Variants in MAGI1 observed in about 807,000 individuals in gnomAD.
The protein encoded by MAGI1 is membrane associated guanylate kinase, WW and PDZ domain containing 1, also known as membrane-associated guanylate kinase, WW and PDZ domain-containing protein 1.
A neutral mutation model predicts 139.9 loss-of-function variants in MAGI1; 58 were observed. That is an observed-to-expected ratio of 0.41 (90% confidence interval 0.34 to 0.52). The LOEUF is 0.52. Among genes scored for constraint, MAGI1 ranks in the 20% least tolerant of loss-of-function variants. The pLI is 0.12. For synonymous variants in MAGI1, 812 were observed against 737.9 expected, an observed-to-expected ratio of 1.10 and a Z score of -1.63; for missense variants, 1,874 against 1,901.6, an observed-to-expected ratio of 0.99 and a Z score of 0.27.
intron 1 of MAGI1, among the ~76,000 whole-genome samples, chr3:65,992,434 T>G (rs1306926480): frequency 7.4e-6 from 1 of 135,548 alleles, no homozygotes. Flanking sequence ...CAGTTTGCAT[T>G]GAAGAAAACC....
At chr3:65,570,887 G>T (rs941901321) in intron 2 of MAGI1, among the ~76,000 whole-genome samples, 1 of 152,196 alleles carries the variant, frequency 6.6e-6, no homozygotes, top group African/African-American at 2.4e-5. Context: ...AAATACAATG[G>T]TTCAAAAGAA....
chr3:65,647,034 A>G (rs1229927730), intron 1 of MAGI1, among the ~76,000 whole-genome samples: 1 of 152,160 alleles, frequency 6.6e-6, no homozygotes, highest in African/African-American at 2.4e-5. Context: ...AGGAAAAGAG[A>G]ACAAATCAAT....
chr3:65,423,682 C>A (rs75247623), intron 12 of MAGI1, among the ~76,000 whole-genome samples: 2,252 of 152,290 alleles, frequency 0.015, 55 homozygotes, highest in African/African-American at 0.051. Flanking sequence ...AGGTTCCAAT[C>A]CTAGCTTTGC....
At chr3:65,703,344 T>C (rs1382441921) in intron 1 of MAGI1, among the ~76,000 whole-genome samples, 1 of 152,188 alleles carries the variant, frequency 6.6e-6, no homozygotes, top group African/African-American at 2.4e-5. Flanking sequence ...ATTCAAATGC[T>C]AGCAAGATTG....
intron 4 of MAGI1, among the ~76,000 whole-genome samples, chr3:65,477,873 T>C (rs1055596133): frequency 6.6e-6 from 1 of 151,736 alleles, no homozygotes. Context: ...ACTCAGCCTG[T>C]ATGGCCTTAC....
At chr3:65,825,823 A>G (rs2042194899) in intron 1 of MAGI1, among the ~76,000 whole-genome samples, 1 of 152,080 alleles carries the variant, frequency 6.6e-6, no homozygotes, top group African/African-American at 2.4e-5. Flanking sequence ...CCCCGTCTCC[A>G]CTAAAAATAT....
chr3:65,926,918 C>A (rs1198839485), intron 1 of MAGI1, among the ~76,000 whole-genome samples: 1 of 152,100 alleles, frequency 6.6e-6, no homozygotes, highest in African/African-American at 2.4e-5. Context: ...TCACTTGAAC[C>A]CAGGAGGCGG....
rs558707805 is a variant in MAGI1, at chr3:65,546,854, A to T, written c.431-53223T>A. ...ATGATTGCTTTGCCAAGAAAAACAGAGCCCTTACTGAACAAGTCAGAATTC... is the reference window on the plus strand; with the variant it reads ...ATGATTGCTTTGCCAAGAAAAACAGTGCCCTTACTGAACAAGTCAGAATTC... On this transcript the variant is annotated intron_variant, in intron 2 of 22. Coordinates refer to ENST00000402939, the MANE Select transcript of MAGI1 (RefSeq NM_001033057.2). 3.3e-5 allele frequency among the ~76,000 whole-genome samples: 5 copies of T among 152,328 alleles called. No homozygotes were observed. The South Asian group carries it at 1.0e-3, about 32-fold the overall frequency.
chr3:65,548,942 G>C (rs2079662396), intron 2 of MAGI1, among the ~76,000 whole-genome samples: 1 of 152,186 alleles, frequency 6.6e-6, no homozygotes, highest in South Asian at 2.1e-4. Context: ...CAGCAAGGGG[G>C]AAGGGAACCT....
At chr3:65,786,650 C>T (rs1281746461) in intron 1 of MAGI1, among the ~76,000 whole-genome samples, 9 of 142,022 alleles carry the variant, frequency 6.3e-5, no homozygotes, top group East Asian at 6.3e-4. Context: ...CTTGCTTTGT[C>T]ACCCAGGCTG....
intron 1 of MAGI1, among the ~76,000 whole-genome samples, chr3:65,717,221 G>C (rs2032379885): frequency 6.6e-6 from 1 of 152,156 alleles, no homozygotes; most frequent in South Asian, 2.1e-4. Flanking sequence ...AAGTCAAAGA[G>C]TTGTCTTCAA....
At chr3:65,652,934 G>C (rs1014215026) in intron 1 of MAGI1, among the ~76,000 whole-genome samples, 22 of 152,238 alleles carry the variant, frequency 1.4e-4, no homozygotes, top group African/African-American at 5.3e-4. Context: ...CCTGGCCTAA[G>C]TTACTATCAA....
intron 12 of MAGI1, among the ~76,000 whole-genome samples, chr3:65,412,497 G>T (rs371590833): frequency 8.5e-4 from 129 of 152,216 alleles, no homozygotes; most frequent in African/African-American, 3.0e-3. Flanking sequence ...TTTACTTATT[G>T]ATTGTCTCTA....
rs978936941 is a variant in MAGI1, at chr3:65,962,417, G to A, written c.313+75579C>T. On this transcript the variant is annotated intron_variant, in intron 1 of 22. Coordinates refer to ENST00000402939, the MANE Select transcript of MAGI1 (RefSeq NM_001033057.2). ...ATTACAGGCGTGAGCCACCGCGCCCGGCCTCTGAATTGTATTTTTCAAGTG... is the reference window on the plus strand; with the variant it reads ...ATTACAGGCGTGAGCCACCGCGCCCAGCCTCTGAATTGTATTTTTCAAGTG... Among the ~76,000 whole-genome samples the A allele has an allele frequency of 2.6e-5, 4 of 151,560 alleles. No individual in the cohort carries two copies. In the East Asian group the frequency reaches 5.9e-4, roughly 22 times the overall value.
intron 1 of MAGI1, among the ~76,000 whole-genome samples, chr3:65,919,068 C>G (rs1351378524): frequency 6.6e-6 from 1 of 152,188 alleles, no homozygotes; most frequent in East Asian, 1.9e-4. Flanking sequence ...GTATGGTTAA[C>G]ATTGATCTGT....
chr3:65,428,634 G>T (rs1947244974), intron 12 of MAGI1, among the ~76,000 whole-genome samples: 1 of 152,178 alleles, frequency 6.6e-6, no homozygotes, highest in African/African-American at 2.4e-5. Context: ...GTCAGGTGTT[G>T]TGTTAAATGC....
At chr3:65,855,992 C>G (rs1331967903) in intron 1 of MAGI1, among the ~76,000 whole-genome samples, 1 of 152,076 alleles carries the variant, frequency 6.6e-6, no homozygotes, top group Non-Finnish European at 1.5e-5. Context: ...GTGTCCAGCA[C>G]TGACCAGCAG....
rs141831184 is a variant in MAGI1 at position 65,897,205 on chromosome 3, G to A, written c.313+140791C>T. Among the ~76,000 whole-genome samples, 757 of 152,154 alleles carry A rather than the reference G, an allele frequency of 5.0e-3. 9 individuals are homozygous for A. Among genetic ancestry groups the A allele is most frequent in the African/African-American group, 0.012 (514 of 41,498 alleles). ...TAGGTGGAAAAACAGGTGAGTTTTTGGGTTAGCTCTTCCTAATAGTTCTGT... is the reference window on the plus strand; with the variant it reads ...TAGGTGGAAAAACAGGTGAGTTTTTAGGTTAGCTCTTCCTAATAGTTCTGT... On this transcript the variant is annotated intron_variant, in intron 1 of 22. Coordinates refer to ENST00000402939, the MANE Select transcript of MAGI1 (RefSeq NM_001033057.2).
At chr3:65,566,436 T>C (rs908282171) in intron 2 of MAGI1, among the ~76,000 whole-genome samples, 1 of 137,918 alleles carries the variant, frequency 7.3e-6, no homozygotes, top group Non-Finnish European at 1.6e-5. Flanking sequence ...TTTGCTCACC[T>C]TTTTTTTTTT....
Sources: allele counts gnomAD v4.1 joint callset (sites outside exome capture counted in the v4.1 genomes callset), GRCh38; gene constraint gnomAD v4.1.1; transcripts MANE v1.5; gene names NCBI Gene and HGNC (gene_info 2026-07-23, HGNC 2026-07-21).